Variants in NELL1 observed in about 807,000 individuals in gnomAD.
NELL1 encodes protein kinase C-binding protein NELL1.
A neutral mutation model predicts 107.4 loss-of-function variants in NELL1; 76 were observed. That is an observed-to-expected ratio of 0.71 (90% confidence interval 0.59 to 0.86). The LOEUF (loss-of-function observed/expected upper bound fraction) is 0.86. Ranked by LOEUF, NELL1 falls within the 40% of genes least tolerant of loss-of-function variation. The pLI, the probability that NELL1 is intolerant of heterozygous loss-of-function variation, is 0.00. For synonymous variants in NELL1, 353 were observed against 341.2 expected, an observed-to-expected ratio of 1.03 and a Z score of -0.38; for missense variants, 1,024 against 1,005.5, an observed-to-expected ratio of 1.02 and a Z score of -0.25.
chr11:21,047,730 C>G (rs1343447056), intron 12 of NELL1, among the ~76,000 whole-genome samples: 1 of 152,088 alleles, frequency 6.6e-6, no homozygotes, highest in Non-Finnish European at 1.5e-5. Flanking sequence ...AATGTTTAGC[C>G]AGACTTCAGA....
chr11:21,187,746 T>C (rs1038806030), intron 13 of NELL1, among the ~76,000 whole-genome samples: 3 of 151,806 alleles, frequency 2.0e-5, no homozygotes, highest in Non-Finnish European at 4.4e-5. Flanking sequence ...ATGTTCAAGA[T>C]AGGCTATTCT....
chr11:21,001,959 G>T (rs1452067082), intron 12 of NELL1, among the ~76,000 whole-genome samples: 2 of 152,188 alleles, frequency 1.3e-5, no homozygotes, highest in African/African-American at 2.4e-5. Context: ...AGAGTCCCAT[G>T]TTGGGCAAAA....
chr11:20,711,383 T>A (rs893063904), intron 2 of NELL1, among the ~76,000 whole-genome samples: 3 of 152,166 alleles, frequency 2.0e-5, no homozygotes, highest in African/African-American at 7.2e-5. Flanking sequence ...CAATTCAATG[T>A]TAGTTTTGAG....
At chr11:21,253,189 C>T (rs1298176670) in intron 14 of NELL1, among the ~76,000 whole-genome samples, 1 of 152,000 alleles carries the variant, frequency 6.6e-6, no homozygotes, top group Non-Finnish European at 1.5e-5. Context: ...TACCTATAAC[C>T]TCTTAATGAA....
At chr11:21,229,653 G>T (rs1037321676) in intron 14 of NELL1, among the ~76,000 whole-genome samples, 199 bp downstream of exon 14, 2 of 152,218 alleles carry the variant, frequency 1.3e-5, no homozygotes, top group African/African-American at 4.8e-5. Context: ...AAAGAAAAAG[G>T]TATAGGTATG....
chr11:21,388,652 T>C (rs1351993380), intron 15 of NELL1, among the ~76,000 whole-genome samples: 1 of 151,874 alleles, frequency 6.6e-6, no homozygotes, highest in Admixed American at 6.6e-5. Context: ...TCAGTTCCAC[T>C]GCTCCAAGCT....
rs151140576 is a variant in NELL1, at chr11:20,995,075, A to G, written c.1300+34515A>G. Among the ~76,000 whole-genome samples, 10 of 152,200 alleles carry G rather than the reference A, an allele frequency of 6.6e-5. No homozygotes were observed. In the East Asian group the frequency reaches 1.9e-3, roughly 29 times the overall value. Reference sequence around the variant, plus strand: ...CACCTGCATGATGTTATTTTGTTTTAGAATTGCAAGCTTCAAAAGGAGGCA... The same window carrying G: ...CACCTGCATGATGTTATTTTGTTTTGGAATTGCAAGCTTCAAAAGGAGGCA... On this transcript the variant is annotated intron_variant, in intron 12 of 19. Coordinates refer to ENST00000357134, the MANE Select transcript of NELL1 (RefSeq NM_006157.5).
intron 14 of NELL1, among the ~76,000 whole-genome samples, chr11:21,286,750 A>G (rs1008780851): frequency 2.6e-5 from 4 of 152,156 alleles, no homozygotes; most frequent in Non-Finnish European, 5.9e-5. Flanking sequence ...AAAATTTTTC[A>G]TTTCCACTGT....
At chr11:21,472,138 G>A (rs59832701) in intron 15 of NELL1, among the ~76,000 whole-genome samples, 2,509 of 115,898 alleles carry the variant, frequency 0.022, 72 homozygotes, top group African/African-American at 0.075. Flanking sequence ...CACAAGATTT[G>A]CTTTCTGTTT....
intron 5 of NELL1, among the ~76,000 whole-genome samples, chr11:20,909,364 C>CA (rs2134145008): frequency 6.6e-6 from 1 of 152,178 alleles, no homozygotes; most frequent in South Asian, 2.1e-4. Flanking sequence ...GTCCTATTTC[C>CA]AAAGTCTGAT....
At chr11:21,076,344 A>T (rs1301134967) in intron 12 of NELL1, among the ~76,000 whole-genome samples, 1 of 152,194 alleles carries the variant, frequency 6.6e-6, no homozygotes, top group Non-Finnish European at 1.5e-5. Context: ...ACTGTAAACA[A>T]GGTTTGGGAC....
chr11:21,444,998 A>G (rs899093603), intron 15 of NELL1, among the ~76,000 whole-genome samples: 4 of 152,196 alleles, frequency 2.6e-5, no homozygotes, highest in African/African-American at 9.7e-5. Context: ...CCATTATTTT[A>G]AACTGATGAC....
intron 13 of NELL1, among the ~76,000 whole-genome samples, chr11:21,154,440 C>G (rs1368822419): frequency 6.6e-6 from 1 of 152,100 alleles, no homozygotes; most frequent in Non-Finnish European, 1.5e-5. Context: ...TCCATTCAAT[C>G]CATTAAACAT....
chr11:21,343,612 T>G (rs1192201674), intron 14 of NELL1, among the ~76,000 whole-genome samples: 1 of 152,152 alleles, frequency 6.6e-6, no homozygotes, highest in Non-Finnish European at 1.5e-5. Context: ...AAGAACCAGG[T>G]ATTAGATATT....
intron 13 of NELL1, among the ~76,000 whole-genome samples, chr11:21,121,807 C>T (rs1332023109): frequency 2.0e-5 from 3 of 152,100 alleles, no homozygotes; most frequent in Non-Finnish European, 4.4e-5. Context: ...TAAGAGGTCC[C>T]TCTAAAGAGG....
intron 14 of NELL1, among the ~76,000 whole-genome samples, chr11:21,344,053 A>G (rs1217256709): frequency 2.0e-5 from 3 of 152,222 alleles, no homozygotes; most frequent in Non-Finnish European, 2.9e-5. Flanking sequence ...ACAGAAGCAA[A>G]TCAGTACATA....
intron 14 of NELL1, among the ~76,000 whole-genome samples, chr11:21,315,674 A>T (rs74930916): frequency 0.024 from 3,631 of 152,280 alleles, 147 homozygotes; most frequent in African/African-American, 0.084. Flanking sequence ...TGCCACATTT[A>T]TGGAGAATAT....
intron 16 of NELL1, among the ~76,000 whole-genome samples, chr11:21,536,629 T>C (rs1856146444): frequency 6.6e-6 from 1 of 152,152 alleles, no homozygotes; most frequent in Non-Finnish European, 1.5e-5. Context: ...ATGGGCTTTT[T>C]TCTTCTGTTT....
intron 5 of NELL1, among the ~76,000 whole-genome samples, chr11:20,916,103 A>G (rs547639499): frequency 3.4e-4 from 51 of 152,026 alleles, no homozygotes; most frequent in African/African-American, 1.1e-3. Flanking sequence ...TCATGCCAGT[A>G]TGTGGGCTCA....
Sources: allele counts gnomAD v4.1 joint callset (sites outside exome capture counted in the v4.1 genomes callset), GRCh38; gene constraint gnomAD v4.1.1; transcripts MANE v1.5; gene names NCBI Gene and HGNC (gene_info 2026-07-23, HGNC 2026-07-21).